The following PPM1E variants were observed in gnomAD, a reference collection of about 807,000 sequenced individuals.
PPM1E encodes protein phosphatase, Mg2+/Mn2+ dependent 1E.
A neutral mutation model predicts 65.9 loss-of-function variants in PPM1E; 20 were observed. The observed-to-expected ratio is 0.30, with a 90% confidence interval of 0.21 to 0.44. The LOEUF (loss-of-function observed/expected upper bound fraction) is 0.44, where lower values mean the gene tolerates loss of function less well. Among genes scored for constraint, PPM1E ranks in the 20% least tolerant of loss-of-function variants. PPM1E has a pLI of 1.00. For missense variants in PPM1E, 713 were observed against 953.1 expected, an observed-to-expected ratio of 0.75 and a Z score of 3.32; for synonymous variants, 352 against 374.9, an observed-to-expected ratio of 0.94 and a Z score of 0.70.
At chr17:58,873,544 G>C (rs2051094171) in intron 1 of PPM1E, among the ~76,000 whole-genome samples, 1 of 149,886 alleles carries the variant, frequency 6.7e-6, no homozygotes, top group Non-Finnish European at 1.5e-5. Context: ...ATCTTGGTTG[G>C]AATGGAACAA....
At chr17:58,865,672 G>A (rs1184404503) in intron 1 of PPM1E, among the ~76,000 whole-genome samples, 2 of 152,228 alleles carry the variant, frequency 1.3e-5, no homozygotes, top group Non-Finnish European at 2.9e-5. Context: ...CTGCTCTCCA[G>A]ACTGGGTGAC....
chr17:58,805,982 A>AAAAAAAAT (rs1567838899), intron 1 of PPM1E, among the ~76,000 whole-genome samples: 1 of 100,508 alleles, frequency 9.9e-6, no homozygotes, highest in South Asian at 3.4e-4. Context: ...AACAAAAAAA[A>AAAAAAAAT]AACAAAACAA....
chr17:58,912,048 C>T (rs2051633287), intron 1 of PPM1E, among the ~76,000 whole-genome samples: 1 of 152,150 alleles, frequency 6.6e-6, no homozygotes, highest in Non-Finnish European at 1.5e-5. Context: ...CCCCTATTGG[C>T]TAGGGTTGAA....
At chr17:58,962,044 G>A (rs1174742674) in intron 2 of PPM1E, among the ~76,000 whole-genome samples, 1 of 152,080 alleles carries the variant, frequency 6.6e-6, no homozygotes, top group Non-Finnish European at 1.5e-5. Context: ...CAGCACTTTG[G>A]GAGGCCAAGG....
At chr17:58,872,442 G>C (rs1004549407) in intron 1 of PPM1E, among the ~76,000 whole-genome samples, 2 of 152,148 alleles carry the variant, frequency 1.3e-5, no homozygotes, top group Non-Finnish European at 2.9e-5. Flanking sequence ...ATTTGTGTTG[G>C]TAGCAGCGTT....
At chr17:58,886,418 C>G (rs966533617) in intron 1 of PPM1E, among the ~76,000 whole-genome samples, 4 of 152,124 alleles carry the variant, frequency 2.6e-5, no homozygotes, top group Admixed American at 1.3e-4. Flanking sequence ...CTCTTTATAA[C>G]AAGCAAGTGG....
intron 1 of PPM1E, among the ~76,000 whole-genome samples, chr17:58,887,295 G>A (rs2051282235): frequency 6.6e-6 from 1 of 151,372 alleles, no homozygotes; most frequent in African/African-American, 2.4e-5. Context: ...CTCCTGAGTA[G>A]CTGAGATTAC....
intron 1 of PPM1E, among the ~76,000 whole-genome samples, chr17:58,813,417 C>T (rs2050388728): frequency 6.6e-6 from 1 of 152,120 alleles, no homozygotes; most frequent in African/African-American, 2.4e-5. Flanking sequence ...GGGAAAGACC[C>T]TAAGATGTCG....
chr17:58,913,513 T>C (rs1472487512), intron 1 of PPM1E, among the ~76,000 whole-genome samples: 2 of 152,202 alleles, frequency 1.3e-5, no homozygotes, highest in South Asian at 2.1e-4. Context: ...GACAGCAGTA[T>C]TGCAATAGCG....
intron 1 of PPM1E, among the ~76,000 whole-genome samples, chr17:58,899,107 T>C (rs574037993): frequency 6.6e-5 from 10 of 151,894 alleles, no homozygotes; most frequent in Admixed American, 5.2e-4. Context: ...TGTATACATA[T>C]ATAACAAACC....
intron 1 of PPM1E, among the ~76,000 whole-genome samples, chr17:58,920,584 C>G (rs1267592389): frequency 6.6e-6 from 1 of 152,096 alleles, no homozygotes; most frequent in Non-Finnish European, 1.5e-5. Flanking sequence ...AAATGGAAAA[C>G]TAGAGTTACT....
chr17:58,878,011 GA>G (rs1284815421), intron 1 of PPM1E, among the ~76,000 whole-genome samples: 2 of 151,346 alleles, frequency 1.3e-5, no homozygotes, highest in Non-Finnish European at 2.9e-5. Context: ...TGTTTAAAAA[GA>G]AAAAAGTGAA....
At chr17:58,929,556 C>T (rs2051866506) in intron 1 of PPM1E, among the ~76,000 whole-genome samples, 2 of 152,054 alleles carry the variant, frequency 1.3e-5, no homozygotes, top group South Asian at 4.1e-4. Context: ...AAATAAGATG[C>T]ACTGATGGAT....
Position 58,756,313 on chromosome 17 carries a change from G to C in PPM1E, c.316G>C (p.Ala106Pro). 6.6e-7 allele frequency: 1 copy of C among 1,507,128 alleles called. No homozygotes were observed. Among genetic ancestry groups the C allele is most frequent in the Non-Finnish European group, 8.9e-7 (1 of 1,128,888 alleles). 93.4% of individuals were successfully genotyped at this position (1,507,128 alleles called of 1,614,324 possible). A position where few individuals can be genotyped will look rare whatever the true frequency, so the allele number is the denominator to read the frequency against. The change falls in exon 1 of 7, where the codon GCG (alanine) becomes CCG (proline). Residue 106 changes from alanine (A) to proline (P), a missense_variant. Transcript: ENST00000308249. ...EEEEEGAATA[A>P]AAPGHSAVPP... ...GGAGGAGGAGGGCGCGGCGACGGCGGCGGCAGCCCCGGGGCACTCGGCCGT... is the reference window on the plus strand; with the variant it reads ...GGAGGAGGAGGGCGCGGCGACGGCGCCGGCAGCCCCGGGGCACTCGGCCGT...
intron 1 of PPM1E, among the ~76,000 whole-genome samples, chr17:58,816,741 AATATATATATATATATATAT>A (rs67568496): frequency 0.019 from 1,646 of 85,150 alleles, 69 homozygotes; most frequent in East Asian, 0.029. Context: ...TCAGAATATA[AATATATATATATATATATAT>A]ATATATATAT....
intron 1 of PPM1E, among the ~76,000 whole-genome samples, chr17:58,897,461 A>G (rs1405357051): frequency 6.6e-6 from 1 of 152,232 alleles, no homozygotes; most frequent in Non-Finnish European, 1.5e-5. Flanking sequence ...TGGTAATGCA[A>G]TGCACCTGGT....
intron 1 of PPM1E, among the ~76,000 whole-genome samples, chr17:58,949,496 AT>A (rs2143626965): frequency 6.6e-6 from 1 of 152,230 alleles, no homozygotes; most frequent in Non-Finnish European, 1.5e-5. Context: ...GTTTCTTTTA[AT>A]TGGGAATTTT....
intron 1 of PPM1E, among the ~76,000 whole-genome samples, chr17:58,792,713 G>GTGA (rs2050167521): frequency 7.5e-6 from 1 of 133,056 alleles, no homozygotes; most frequent in African/African-American, 3.0e-5. Flanking sequence ...ACTTGGAACA[G>GTGA]TTATTATTTT....
chr17:58,778,169 G>A (rs578003955), intron 1 of PPM1E, among the ~76,000 whole-genome samples: 2 of 151,754 alleles, frequency 1.3e-5, no homozygotes, highest in South Asian at 2.1e-4. Flanking sequence ...GCCTGATCTC[G>A]GCTCCCTGCA....
Sources: gnomAD v4.1 joint callset for allele counts (sites outside exome capture counted in the v4.1 genomes callset) on GRCh38, gnomAD v4.1.1 for gene constraint, MANE v1.5 for transcripts, NCBI Gene and HGNC (gene_info 2026-07-23, HGNC 2026-07-21) for gene names.